The following SOX5 variants were observed in gnomAD, a reference collection of about 807,000 sequenced individuals.
The protein encoded by SOX5 is SRY-box transcription factor 5.
SOX5 carries 9 observed loss-of-function variants against 92.0 expected under a neutral mutation model. The ratio of observed to expected loss-of-function variants is 0.10; its 90% CI spans 0.06 to 0.17. SOX5 has a LOEUF of 0.17. SOX5 is among the 10% of genes least tolerant of loss of function. The pLI, the probability that SOX5 is intolerant of heterozygous loss-of-function variation, is 1.00. For missense variants in SOX5, 642 were observed against 944.5 expected, an observed-to-expected ratio of 0.68 and a Z score of 4.20; for synonymous variants, 344 against 336.3, an observed-to-expected ratio of 1.02 and a Z score of -0.25.
At chr12:23,812,681 G>C (rs1357537242) in intron 3 of SOX5, among the ~76,000 whole-genome samples, 7 of 152,154 alleles carry the variant, frequency 4.6e-5, no homozygotes, top group Non-Finnish European at 1.0e-4. Flanking sequence ...GGGGCAGGGA[G>C]TGTCAGAGGG....
At chr12:24,371,584 G>A (rs1405799833) in intron 1 of SOX5, among the ~76,000 whole-genome samples, 1 of 152,170 alleles carries the variant, frequency 6.6e-6, no homozygotes, top group Non-Finnish European at 1.5e-5. Flanking sequence ...AGTCAGTTAT[G>A]GGCTACGTTT....
intron 4 of SOX5, among the ~76,000 whole-genome samples, chr12:24,060,477 T>A (rs1946523396): frequency 6.6e-6 from 1 of 152,226 alleles, no homozygotes; most frequent in Non-Finnish European, 1.5e-5. Context: ...CTATGTGAGC[T>A]TAGGCAAAGT....
chr12:24,165,892 G>C (rs892478429), intron 4 of SOX5, among the ~76,000 whole-genome samples: 1 of 152,132 alleles, frequency 6.6e-6, no homozygotes, highest in East Asian at 1.9e-4. Context: ...CAAAGGATGT[G>C]ATGGAAAATA....
At chr12:23,761,315 G>A (rs16926707) in intron 3 of SOX5, among the ~76,000 whole-genome samples, 2,668 of 152,110 alleles carry the variant, frequency 0.018, 66 homozygotes, top group African/African-American at 0.056. Context: ...AACAACACAC[G>A]CATTCGATTG....
chr12:24,405,367 C>A (rs190530204), intron 1 of SOX5, among the ~76,000 whole-genome samples: 3 of 152,092 alleles, frequency 2.0e-5, no homozygotes, highest in Admixed American at 2.0e-4. Flanking sequence ...AGCCAAGTAG[C>A]TATACTCTTC....
At chr12:24,512,946 T>TAA (rs985259047) in intron 1 of SOX5, among the ~76,000 whole-genome samples, 2 of 152,312 alleles carry the variant, frequency 1.3e-5, no homozygotes, top group African/African-American at 4.8e-5. Flanking sequence ...TGGTTGCACT[T>TAA]ACGATTTCCA....
At chr12:24,345,161 G>A (rs748329780) in intron 2 of SOX5, among the ~76,000 whole-genome samples, 8 of 152,102 alleles carry the variant, frequency 5.3e-5, no homozygotes, top group Non-Finnish European at 1.2e-4. Flanking sequence ...TAACTTTCTG[G>A]TATATTAGAC....
intron 1 of SOX5, among the ~76,000 whole-genome samples, chr12:24,396,427 G>A (rs1566064492): frequency 6.6e-6 from 1 of 152,218 alleles, no homozygotes. Context: ...TTTAGTAAAG[G>A]AGGCAATTGG....
chr12:23,600,028 A>C (rs1175549991), intron 9 of SOX5, among the ~76,000 whole-genome samples: 4 of 152,220 alleles, frequency 2.6e-5, no homozygotes, highest in African/African-American at 4.8e-5. Context: ...CTGTGGCAGA[A>C]AGTTAAACTA....
chr12:24,353,141 C>A (rs1326084367), intron 2 of SOX5, among the ~76,000 whole-genome samples: 1 of 152,164 alleles, frequency 6.6e-6, no homozygotes, highest in African/African-American at 2.4e-5. Flanking sequence ...TGTAACTAAA[C>A]CCCATTGGTC....
Position 24,440,507 on chromosome 12 carries a change from G to A in SOX5, c.-250-71868C>T, listed in dbSNP as rs189318687. Reference sequence around the variant, plus strand: ...CTTCTTACCTTTGCATGCTTAGGTCGGGTACCAGACTCTGCAACCCCTAGG... The same window carrying A: ...CTTCTTACCTTTGCATGCTTAGGTCAGGTACCAGACTCTGCAACCCCTAGG... On this transcript the variant is annotated intron_variant, in intron 1 of 4. Coordinates refer to the SOX5 transcript ENST00000446891. 1.6e-3 allele frequency among the ~76,000 whole-genome samples: 241 copies of A among 151,968 alleles called. 1 individual carries two copies. The highest frequency in any genetic ancestry group is 5.6e-3 in the African/African-American group (232 of 41,422).
At chr12:23,804,663 C>A (rs12811433) in intron 3 of SOX5, among the ~76,000 whole-genome samples, 46,864 of 151,242 alleles carry the variant, frequency 0.31, 7,667 homozygotes, top group East Asian at 0.61. Context: ...TGCATTTTAA[C>A]CTCTATGCTC....
At chr12:24,149,215 A>T (rs982206801) in intron 4 of SOX5, among the ~76,000 whole-genome samples, 15 of 152,180 alleles carry the variant, frequency 9.9e-5, no homozygotes, top group African/African-American at 3.6e-4. Flanking sequence ...AAAAGAAAAA[A>T]TAAGTTGATT....
intron 2 of SOX5, among the ~76,000 whole-genome samples, chr12:23,875,614 G>GATAAT (rs1330820072): frequency 6.6e-6 from 1 of 152,098 alleles, no homozygotes; most frequent in Non-Finnish European, 1.5e-5. Context: ...GAAGAAACCT[G>GATAAT]ATAATATAGT....
rs1946951947 is a variant in SOX5, at chr12:24,294,292, T to C, written c.-173-16980A>G. On this transcript the variant is annotated intron_variant, in intron 2 of 4. Coordinates refer to the SOX5 transcript ENST00000446891. ...CAGTAACTCATGGGTTTTTTTTTTTTCCTCAACACTCAGAACAGCATCCCA... is the reference window on the plus strand; with the variant it reads ...CAGTAACTCATGGGTTTTTTTTTTTCCCTCAACACTCAGAACAGCATCCCA... Among the ~76,000 whole-genome samples, 10 of 152,112 alleles carry C rather than the reference T, an allele frequency of 6.6e-5. No individual in the cohort carries two copies. The South Asian group carries it at 2.1e-3, about 32-fold the overall frequency.
intron 1 of SOX5, among the ~76,000 whole-genome samples, chr12:24,426,615 T>A (rs752549762): frequency 5.3e-5 from 8 of 152,216 alleles, no homozygotes; most frequent in Non-Finnish European, 8.8e-5. Flanking sequence ...AGAGAAAGCA[T>A]GGAAGTTGCT....
intron 13 of SOX5, among the ~76,000 whole-genome samples, chr12:23,541,270 T>TTTAA (rs1941984816): frequency 6.6e-6 from 1 of 152,200 alleles, no homozygotes; most frequent in African/African-American, 2.4e-5. Flanking sequence ...TTAAGATAGT[T>TTTAA]TTAATTAATG....
At chr12:23,957,524 A>C (rs1946418334) in intron 4 of SOX5, among the ~76,000 whole-genome samples, 1 of 152,202 alleles carries the variant, frequency 6.6e-6, no homozygotes, top group South Asian at 2.1e-4. Context: ...TCTCTATCAA[A>C]AATTTCAAAA....
chr12:24,555,708 G>A (rs539643497), intron 1 of SOX5, among the ~76,000 whole-genome samples: 2 of 152,242 alleles, frequency 1.3e-5, no homozygotes, highest in East Asian at 3.9e-4. Flanking sequence ...AAAACTCAAA[G>A]AGACCTCAAA....
Sources: gnomAD v4.1 joint callset for allele counts (sites outside exome capture counted in the v4.1 genomes callset) on GRCh38, gnomAD v4.1.1 for gene constraint, MANE v1.5 for transcripts, NCBI Gene and HGNC (gene_info 2026-07-23, HGNC 2026-07-21) for gene names.